The following NAALADL2 variants were observed in gnomAD, a reference collection of about 807,000 sequenced individuals.
The protein encoded by NAALADL2 is N-acetylated alpha-linked acidic dipeptidase like 2, also known as inactive N-acetylated-alpha-linked acidic dipeptidase-like protein 2.
Under a neutral mutation model 87.2 loss-of-function variants are expected in NAALADL2, and 76 were observed. The observed-to-expected ratio is 0.87, with a 90% confidence interval of 0.72 to 1.05. NAALADL2 has a LOEUF of 1.05. Ranked by LOEUF, NAALADL2 falls within the 50% of genes least tolerant of loss-of-function variation. The probability of loss-of-function intolerance (pLI) is 0.00; values close to 1 mark genes in which losing one functional copy is unlikely to be tolerated. For missense variants in NAALADL2, 1,089 were observed against 945.8 expected (o/e 1.15, Z -1.99); for synonymous variants, 354 against 331.0 (o/e 1.07, Z -0.75).
rs1263762557 is a variant in NAALADL2, at chr3:175,258,220, A to G, written c.939+1690A>G. ...CTACTTGGGAGGCTGAGGCAAGAGA[A>G]TCGCTTGAACCCGGGAGGCAGAACT... On this transcript the variant is annotated intron_variant, in intron 4 of 13. Transcript: ENST00000454872. 2.0e-5 allele frequency among the ~76,000 whole-genome samples: 3 copies of G among 151,320 alleles called. No individual in the cohort carries two copies. The Admixed American group carries it at 2.0e-4, about 10-fold the overall frequency.
At chr3:174,886,006 T>C (rs1730100552) in intron 1 of NAALADL2, among the ~76,000 whole-genome samples, 1 of 145,090 alleles carries the variant, frequency 6.9e-6, no homozygotes, top group Admixed American at 7.0e-5. Context: ...CTCCGCCTCC[T>C]GGGTTCACGC....
chr3:174,618,630 T>A (rs145399238), intron 2 of NAALADL2, among the ~76,000 whole-genome samples: 36 of 151,824 alleles, frequency 2.4e-4, no homozygotes, highest in African/African-American at 7.5e-4. Context: ...TGAGGAAGAG[T>A]GAAATCTTTT....
At chr3:174,716,735 C>T (rs947433867) in intron 2 of NAALADL2, among the ~76,000 whole-genome samples, 2 of 151,976 alleles carry the variant, frequency 1.3e-5, no homozygotes, top group Non-Finnish European at 2.9e-5. Context: ...TATCCACACA[C>T]CTACACACAT....
intron 10 of NAALADL2, among the ~76,000 whole-genome samples, chr3:175,591,769 T>TGG (rs1721487973): frequency 5.8e-5 from 1 of 17,284 alleles, no homozygotes; most frequent in African/African-American, 1.6e-4. Context: ...GCGCATGTGG[T>TGG]GTGTGTGTGT....
intron 1 of NAALADL2, among the ~76,000 whole-genome samples, chr3:174,908,021 GTTTT>G (rs35051279): frequency 0.2 from 16,814 of 82,684 alleles, 681 homozygotes; most frequent in East Asian, 0.29. Flanking sequence ...AGAGAAGTTG[GTTTT>G]TTTTTTTTTT....
chr3:174,522,529 G>A (rs1212939231), intron 1 of NAALADL2, among the ~76,000 whole-genome samples: 5 of 152,014 alleles, frequency 3.3e-5, no homozygotes, highest in African/African-American at 1.2e-4. Flanking sequence ...GCATAGTGGT[G>A]TGCACCTGTA....
At chr3:175,069,367 T>G (rs1165195634) in intron 1 of NAALADL2, among the ~76,000 whole-genome samples, 1 of 149,984 alleles carries the variant, frequency 6.7e-6, no homozygotes, top group East Asian at 1.9e-4. Flanking sequence ...GAACAGACAC[T>G]TCTCAAAAGA....
At chr3:175,411,423 A>G (rs1713488929) in intron 5 of NAALADL2, among the ~76,000 whole-genome samples, 1 of 152,140 alleles carries the variant, frequency 6.6e-6, no homozygotes, top group South Asian at 2.1e-4. Context: ...ACTGGGGGTA[A>G]AAATTTGAGT....
chr3:174,901,661 A>G (rs762546055), intron 1 of NAALADL2, among the ~76,000 whole-genome samples: 43 of 152,180 alleles, frequency 2.8e-4, no homozygotes, highest in Admixed American at 1.2e-3. Context: ...CAGCTGCAAA[A>G]TCCAAGGACT....
chr3:175,038,034 A>G (rs1423079434), intron 1 of NAALADL2, among the ~76,000 whole-genome samples: 3 of 152,180 alleles, frequency 2.0e-5, no homozygotes, highest in Non-Finnish European at 4.4e-5. Context: ...AGATTCTTAC[A>G]AGAGAGGAAG....
At chr3:174,853,402 T>G (rs530047879) in intron 3 of NAALADL2, among the ~76,000 whole-genome samples, 1 of 148,818 alleles carries the variant, frequency 6.7e-6, no homozygotes, top group African/African-American at 2.5e-5. Flanking sequence ...AAAAATAGAT[T>G]TACACCTAAG....
At chr3:174,624,498 C>T (rs538523328) in intron 2 of NAALADL2, among the ~76,000 whole-genome samples, 1 of 151,996 alleles carries the variant, frequency 6.6e-6, no homozygotes, top group South Asian at 2.1e-4. Flanking sequence ...GTGGTACACA[C>T]CTGTAATCCC....
intron 1 of NAALADL2, among the ~76,000 whole-genome samples, chr3:174,459,061 G>A (rs1028938440): frequency 2.0e-5 from 3 of 152,000 alleles, no homozygotes; most frequent in African/African-American, 7.3e-5. Context: ...ATTTTCACTG[G>A]TCTTTGACAA....
chr3:175,603,205 C>T lies in NAALADL2; in HGVS notation c.1801-24086C>T, dbSNP rs143298889. On this transcript the variant is annotated intron_variant, in intron 10 of 13. Coordinates refer to ENST00000454872, the MANE Select transcript of NAALADL2 (RefSeq NM_207015.3). Reference sequence around the variant, plus strand: ...ATTTATCTACAGTACAAGATTCAATCGAGGATCAGATATTTCATTTAGTTA... The same window carrying T: ...ATTTATCTACAGTACAAGATTCAATTGAGGATCAGATATTTCATTTAGTTA... Among the ~76,000 whole-genome samples, 712 of 152,194 alleles carry T rather than the reference C, an allele frequency of 4.7e-3. 2 individuals are homozygous for T. The highest frequency in any genetic ancestry group is 0.014 in the Middle Eastern group (4 of 294).
intron 1 of NAALADL2, among the ~76,000 whole-genome samples, chr3:174,997,833 A>AAACAACAACAACAAC (rs60367540): frequency 1.1e-4 from 15 of 141,956 alleles, no homozygotes; most frequent in African/African-American, 2.8e-4. Flanking sequence ...ACCAAAAAGC[A>AAACAACAACAACAAC]AACAACAACA....
At chr3:174,715,770 C>G (rs1731128181) in intron 2 of NAALADL2, among the ~76,000 whole-genome samples, 1 of 152,116 alleles carries the variant, frequency 6.6e-6, no homozygotes, top group African/African-American at 2.4e-5. Context: ...AAACATGTTA[C>G]TGTCCTTACT....
At chr3:175,575,616 A>T (rs943416953) in intron 9 of NAALADL2, among the ~76,000 whole-genome samples, 2 of 152,160 alleles carry the variant, frequency 1.3e-5, no homozygotes, top group Admixed American at 1.3e-4. Context: ...CATTTTAAGA[A>T]GAACAGAATT....
At chr3:175,300,219 G>A (rs573058621) in intron 4 of NAALADL2, among the ~76,000 whole-genome samples, 2,020 of 152,282 alleles carry the variant, frequency 0.013, 48 homozygotes, top group African/African-American at 0.046. Flanking sequence ...CCGCATTGAT[G>A]TTCGTCAAGA....
At chr3:174,843,539 T>A (rs539461300) in intron 3 of NAALADL2, among the ~76,000 whole-genome samples, 1 of 152,254 alleles carries the variant, frequency 6.6e-6, no homozygotes, top group African/African-American at 2.4e-5. Context: ...AATTTCACTT[T>A]CTTTGGATAT....
Sources: allele counts gnomAD v4.1 joint callset (sites outside exome capture counted in the v4.1 genomes callset), GRCh38; gene constraint gnomAD v4.1.1; transcripts MANE v1.5; gene names NCBI Gene and HGNC (gene_info 2026-07-23, HGNC 2026-07-21).